LILRB1: variants seen among roughly 807,000 people sequenced by gnomAD.
LILRB1 encodes leukocyte immunoglobulin-like receptor subfamily B member 1.
In LILRB1, 59 loss-of-function variants were observed where a neutral mutation model predicts 74.6. The observed-to-expected ratio is 0.79, with a 90% CI of 0.64 to 0.98. The LOEUF (loss-of-function observed/expected upper bound fraction) is 0.98. Among genes scored for constraint, LILRB1 ranks in the 50% least tolerant of loss-of-function variants. The pLI, the probability that LILRB1 is intolerant of heterozygous loss-of-function variation, is 0.00. For missense variants in LILRB1, 804 were observed against 822.6 expected (o/e 0.98, Z 0.28); for synonymous variants, 328 against 333.9 (o/e 0.98, Z 0.19).
chr19:54,636,308 C>T (rs146943329), intron 13 of LILRB1, 186 bp from the exon 14 acceptor site: 16 of 1,179,912 alleles, frequency 1.4e-5, no homozygotes, highest in Admixed American at 2.8e-5. Context: ...AAATGGGCAA[C>T]GTCAGAGTGA....
At chr19:54,635,362 G>A (rs1264809877) in intron 12 of LILRB1, 66 bp downstream of exon 12, 22 of 1,595,244 alleles carry the variant, frequency 1.4e-5, no homozygotes, top group African/African-American at 8.0e-5. Flanking sequence ...CGTAGCAATG[G>A]GGAAAGGGGC....
In LILRB1 at chr19:54,631,976, G is replaced by C; in HGVS notation, c.400G>C (p.Val134Leu). Residue 134 changes from valine to leucine, a missense_variant, in exon 5 of 15, where the codon GTG (valine) becomes CTG (leucine). Val to Leu is a conservative substitution (Grantham distance 32, BLOSUM62 1). Coordinates refer to ENST00000324602, the MANE Select transcript of LILRB1 (RefSeq NM_001081637.3). Reference protein sequence around the residue: ...KPTLSAQPSPVVNSGGNVTLQ... With the variant: ...KPTLSAQPSPLVNSGGNVTLQ... Reference sequence around the variant, plus strand: ...CACCCTCTCAGCCCAGCCCAGCCCCGTGGTGAACTCAGGAGGGAATGTAAC... The same window carrying C: ...CACCCTCTCAGCCCAGCCCAGCCCCCTGGTGAACTCAGGAGGGAATGTAAC... The C allele has an allele frequency of 1.9e-6, 3 of 1,614,124 alleles. No homozygotes were observed. Among genetic ancestry groups the C allele is most frequent in the Non-Finnish European group, 2.5e-6 (3 of 1,179,924 alleles).
In LILRB1 at chr19:54,636,983, G is replaced by A; in HGVS notation, c.*105G>A. 2.8e-6 allele frequency: 4 copies of A among 1,443,942 alleles called. No individual in the cohort carries two copies. Among genetic ancestry groups the A allele is most frequent in the East Asian group, 4.6e-5 (2 of 43,212 alleles). The allele number at this position is 1,443,942 out of a possible 1,614,324, so 89.4% of individuals were successfully genotyped here. A position where few individuals can be genotyped will look rare whatever the true frequency, so the allele number is the denominator to read the frequency against. ...CCCACCCAGCCTGGATCTACCCCAG[G>A]AGACTCTGGGAACTTTTAGGGGTCA... is the stretch of plus-strand genomic sequence containing the variant. On this transcript the variant is annotated 3_prime_UTR_variant, in exon 15 of 15. Coordinates refer to ENST00000324602, the MANE Select transcript of LILRB1 (RefSeq NM_001081637.3).
chr19:54,630,719 T>TC, intron 1 of LILRB1, 86 bp downstream of exon 1: 1 of 559,964 alleles, frequency 1.8e-6, no homozygotes, highest in Non-Finnish European at 3.1e-6. Flanking sequence ...AGGAGATGCC[T>TC]CCGCTACCCT....
At chr19:54,636,428 T>G in intron 13 of LILRB1, 66 bp from the exon 14 acceptor site, 1 of 1,591,078 alleles carries the variant, frequency 6.3e-7, no homozygotes, top group Non-Finnish European at 8.6e-7. Flanking sequence ...CGGGGAACAG[T>G]GAGGAAAATT....
intron 1 of LILRB1, among the ~76,000 whole-genome samples, chr19:54,622,588 T>C (rs2063483070): frequency 6.6e-6 from 1 of 152,214 alleles, no homozygotes; most frequent in Non-Finnish European, 1.5e-5. Context: ...CTTCAGGGTT[T>C]TCTGGGTATA....
At chr19:54,634,200 C>CTA in intron 9 of LILRB1, 179 bp downstream of exon 9, 1 of 1,500,182 alleles carries the variant, frequency 6.7e-7, no homozygotes, top group South Asian at 1.3e-5. Context: ...CCTTTCAGCT[C>CTA]TGACTCCCAG....
intron 13 of LILRB1, chr19:54,636,259 G>GTGA: frequency 1.3e-6 from 1 of 771,192 alleles, no homozygotes; most frequent in Non-Finnish European, 2.1e-6. Context: ...CCCCCAGGCA[G>GTGA]CAGCGAGCTC....
chr19:54,634,289 C>T, intron 9 of LILRB1: 1 of 1,538,200 alleles, frequency 6.5e-7, no homozygotes, highest in African/African-American at 1.4e-5. Context: ...GTCCCACCTG[C>T]AGCAGAGACG....
chr19:54,626,289 G>GA (rs2063585702), upstream of LILRB1, among the ~76,000 whole-genome samples: 1 of 151,896 alleles, frequency 6.6e-6, no homozygotes, highest in Non-Finnish European at 1.5e-5. Context: ...ATCTATTCTA[G>GA]GTATCTTTTA....
chr19:54,633,555 G>C, intron 7 of LILRB1, 83 bp from the exon 8 acceptor site: 1 of 1,362,432 alleles, frequency 7.3e-7, no homozygotes, highest in Non-Finnish European at 1.0e-6. Flanking sequence ...GGAGGCCACA[G>C]GTCCCATGTA....
intron 1 of LILRB1, 93 bp downstream of exon 1, chr19:54,630,726 C>T: frequency 1.7e-6 from 1 of 601,108 alleles, no homozygotes; most frequent in Non-Finnish European, 2.9e-6. Flanking sequence ...GCCTCCGCTA[C>T]CCTCGTCAGG....
intron 5 of LILRB1, 28 bp downstream of exon 5, chr19:54,632,265 T>A: frequency 1.3e-6 from 2 of 1,599,082 alleles, no homozygotes. Flanking sequence ...TTGCCTGGAG[T>A]TCCCTGAGTC....
intron 6 of LILRB1, 86 bp downstream of exon 6, chr19:54,632,846 G>C (rs1202780767): frequency 6.3e-7 from 1 of 1,581,032 alleles, no homozygotes; most frequent in Non-Finnish European, 8.6e-7. Flanking sequence ...CCGGGATGAG[G>C]GATGGGGGTC....
rs982853962 is a variant in LILRB1, at chr19:54,637,528, TAAAAAAAAA to T, written c.*660_*668del. 1 of 78,880 alleles carries T rather than the reference TAAAAAAAAA, an allele frequency of 1.3e-5. No homozygotes were observed. The highest frequency in any genetic ancestry group is 2.8e-5 in the Non-Finnish European group (1 of 35,434). 4.9% of individuals were successfully genotyped at this position (78,880 alleles called of 1,614,324 possible). On this transcript the variant is annotated 3_prime_UTR_variant, in exon 15 of 15. Coordinates refer to ENST00000324602, the MANE Select transcript of LILRB1 (RefSeq NM_001081637.3). ...GACAGAGGGAGACTCCATCTCAAAT[TAAAAAAAAA>T]AAAAAAAAAGAAAGAAAAAGAGAAA...
chr19:54,617,707 G>A (rs1049598170), intron 1 of LILRB1, among the ~76,000 whole-genome samples: 1 of 152,028 alleles, frequency 6.6e-6, no homozygotes, highest in Non-Finnish European at 1.5e-5. Context: ...ACTTTGAGAT[G>A]TAAGTTTTGC....
In LILRB1 at chr19:54,632,708, C is replaced by A. The variant is rs764779534; in HGVS notation, c.906C>A (p.Asn302Lys). The A allele has an allele frequency of 6.2e-7, 1 of 1,612,596 alleles. No homozygotes were observed. Among genetic ancestry groups the A allele is most frequent in the Admixed American group, 1.7e-5 (1 of 60,004 alleles). ...GGQYRCYGAHNLSSEWSAPSD... is the reference protein window; with the variant it reads ...GGQYRCYGAHKLSSEWSAPSD... The stretch of plus-strand genomic sequence containing the variant: ...AGTACAGATGCTACGGTGCACACAA[C>A]CTCTCCTCCGAGTGGTCGGCCCCCA... The change falls in exon 6 of 15, where the codon AAC becomes AAA. Residue 302 changes from asparagine to lysine, a missense_variant. Physicochemically the swap from Asn to Lys is moderately conservative, Grantham distance 94. Coordinates refer to ENST00000324602, the MANE Select transcript of LILRB1 (RefSeq NM_001081637.3).
intron 1 of LILRB1, among the ~76,000 whole-genome samples, chr19:54,618,774 A>G (rs2063380238): frequency 6.6e-6 from 1 of 152,232 alleles, no homozygotes. Context: ...TTTAACCATA[A>G]GTTCCCTTAC....
At chr19:54,627,420 A>C (rs1188719440), upstream of LILRB1, among the ~76,000 whole-genome samples, 1 of 152,204 alleles carries the variant, frequency 6.6e-6, no homozygotes, top group Non-Finnish European at 1.5e-5. Context: ...AGGGCCAGGA[A>C]GGCCTGAAGG....
Sources: allele counts gnomAD v4.1 joint callset (sites outside exome capture counted in the v4.1 genomes callset), GRCh38; gene constraint gnomAD v4.1.1; transcripts MANE v1.5; gene names NCBI Gene and HGNC (gene_info 2026-07-23, HGNC 2026-07-21).